Variants in NRXN3 observed in about 807,000 individuals in gnomAD.
NRXN3 encodes the protein neurexin 3, also known as neurexin III.
Under a neutral mutation model 137.6 loss-of-function variants are expected in NRXN3, and 32 were observed. That is an observed-to-expected ratio of 0.23 (90% CI 0.18 to 0.31). NRXN3 has a LOEUF of 0.31. Ranked by LOEUF, NRXN3 falls within the 10% of genes least tolerant of loss-of-function variation. The probability of loss-of-function intolerance (pLI) is 1.00; values close to 1 mark genes in which losing one functional copy is unlikely to be tolerated. For synonymous variants in NRXN3, 798 were observed against 784.5 expected, an observed-to-expected ratio of 1.02 and a Z score of -0.29; for missense variants, 1,574 against 2,062.5, an observed-to-expected ratio of 0.76 and a Z score of 4.59.
intron 15 of NRXN3, among the ~76,000 whole-genome samples, chr14:79,100,512 C>T (rs2202181): frequency 0.96 from 146,625 of 152,334 alleles, 70,695 homozygotes; most frequent in Middle Eastern, 0.99. Flanking sequence ...TTCAAGTTTA[C>T]GTGTCTAGAT....
intron 5 of NRXN3, 97 bp from the exon 6 acceptor site, chr14:78,651,068 A>C (rs1315912243): frequency 1.5e-5 from 17 of 1,133,962 alleles, no homozygotes; most frequent in African/African-American, 4.7e-5. Context: ...TGAAAATCTT[A>C]ATGAAAGTGA....
At chr14:78,983,640 C>G (rs192100308) in intron 14 of NRXN3, among the ~76,000 whole-genome samples, 1 of 151,842 alleles carries the variant, frequency 6.6e-6, no homozygotes, top group African/African-American at 2.4e-5. Context: ...AGGTAGATCA[C>G]GAGGTCAAGA....
chr14:79,189,011 A>G (rs1168413193), intron 15 of NRXN3, among the ~76,000 whole-genome samples: 3 of 152,150 alleles, frequency 2.0e-5, no homozygotes, highest in Admixed American at 6.5e-5. Flanking sequence ...TAGAAATACC[A>G]TTTGACCCAG....
At chr14:78,493,651 G>A (rs1485640037) in intron 4 of NRXN3, among the ~76,000 whole-genome samples, 1 of 152,062 alleles carries the variant, frequency 6.6e-6, no homozygotes, top group Non-Finnish European at 1.5e-5. Flanking sequence ...CATCCTGCTG[G>A]TATTTAATGG....
At chr14:78,351,088 T>C (rs1455129746) in intron 4 of NRXN3, among the ~76,000 whole-genome samples, 1 of 152,232 alleles carries the variant, frequency 6.6e-6, no homozygotes, top group African/African-American at 2.4e-5. Flanking sequence ...CTTTCCTATG[T>C]TAGTCTCATA....
chr14:79,509,541 A>ATGTGTG (rs35117475), intron 16 of NRXN3, among the ~76,000 whole-genome samples: 18 of 148,742 alleles, frequency 1.2e-4, no homozygotes, highest in African/African-American at 4.4e-4. Flanking sequence ...TATTATATAT[A>ATGTGTG]TGTGTGTGTG....
intron 8 of NRXN3, among the ~76,000 whole-genome samples, chr14:78,781,402 C>G (rs1410836037): frequency 6.6e-6 from 1 of 151,952 alleles, no homozygotes; most frequent in African/African-American, 2.4e-5. Flanking sequence ...TAATAAAAAC[C>G]AGGTTACAGG....
At chr14:78,171,837 A>C (rs996512167) in intron 1 of NRXN3, among the ~76,000 whole-genome samples, 1 of 152,180 alleles carries the variant, frequency 6.6e-6, no homozygotes, top group Non-Finnish European at 1.5e-5. Flanking sequence ...TATTTTTGCT[A>C]ACCATTATTG....
At chr14:78,975,756 G>A (rs149726294) in intron 14 of NRXN3, among the ~76,000 whole-genome samples, 1 of 152,280 alleles carries the variant, frequency 6.6e-6, no homozygotes, top group East Asian at 1.9e-4. Flanking sequence ...AAGAAAGAAA[G>A]TGAACTCTTT....
At chr14:78,943,637 T>C (rs10148138) in intron 10 of NRXN3, among the ~76,000 whole-genome samples, 1 of 32,784 alleles carries the variant, frequency 3.1e-5, no homozygotes, top group Non-Finnish European at 4.9e-5. Context: ...TATATATATA[T>C]ATATATATAT....
chr14:79,144,124 T>C (rs894962456), intron 15 of NRXN3, among the ~76,000 whole-genome samples: 4 of 152,210 alleles, frequency 2.6e-5, no homozygotes, highest in African/African-American at 9.6e-5. Context: ...CATTTTATCT[T>C]GCAGAAATTG....
chr14:78,459,657 A>T (rs940822530), intron 4 of NRXN3, among the ~76,000 whole-genome samples: 1 of 152,184 alleles, frequency 6.6e-6, no homozygotes, highest in African/African-American at 2.4e-5. Flanking sequence ...GAGTGGGATG[A>T]TGGTGAGATT....
At chr14:78,926,289 TA>T (rs1246671749) in intron 10 of NRXN3, among the ~76,000 whole-genome samples, 1 of 151,982 alleles carries the variant, frequency 6.6e-6, no homozygotes, top group Non-Finnish European at 1.5e-5. Context: ...CAACAGTAAT[TA>T]AAAAAATAGA....
intron 19 of NRXN3, among the ~76,000 whole-genome samples, chr14:79,724,561 T>C (rs1182268604): frequency 6.6e-6 from 1 of 152,182 alleles, no homozygotes; most frequent in African/African-American, 2.4e-5. Flanking sequence ...GATGCTGCTA[T>C]ACATTTTATA....
At chr14:79,068,134 G>T (rs971495565) in intron 15 of NRXN3, among the ~76,000 whole-genome samples, 3 of 151,962 alleles carry the variant, frequency 2.0e-5, no homozygotes, top group Admixed American at 6.6e-5. Flanking sequence ...TGTACTAGAG[G>T]TTATCTTGTA....
chr14:79,462,866 A>ATATGTATATGTACATACACATATG (rs2096368325), intron 15 of NRXN3, among the ~76,000 whole-genome samples: 3 of 151,848 alleles, frequency 2.0e-5, no homozygotes, highest in African/African-American at 7.3e-5. Flanking sequence ...CAATGAATGT[A>ATATGTATATGTACATACACATATG]TATGTATATG....
At chr14:79,489,406 C>T (rs558240263) in intron 16 of NRXN3, among the ~76,000 whole-genome samples, 47 of 152,156 alleles carry the variant, frequency 3.1e-4, no homozygotes, top group African/African-American at 1.1e-3. Flanking sequence ...CCAATCCAGT[C>T]GGGTGGGCCT....
intron 15 of NRXN3, among the ~76,000 whole-genome samples, chr14:79,122,599 C>A (rs1442634097): frequency 1.3e-5 from 2 of 152,134 alleles, no homozygotes; most frequent in Non-Finnish European, 2.9e-5. Context: ...TATTCAGACC[C>A]AGTATTAGTG....
chr14:79,155,350 T>G (rs573000331), intron 15 of NRXN3, among the ~76,000 whole-genome samples: 5 of 151,950 alleles, frequency 3.3e-5, no homozygotes, highest in Admixed American at 1.3e-4. Flanking sequence ...ACCTATGTAA[T>G]TGACATGATT....
Sources: gnomAD v4.1 joint callset for allele counts (sites outside exome capture counted in the v4.1 genomes callset) on GRCh38, gnomAD v4.1.1 for gene constraint, MANE v1.5 for transcripts, NCBI Gene and HGNC (gene_info 2026-07-23, HGNC 2026-07-21) for gene names.